DMRT3: variants seen among roughly 807,000 people sequenced by gnomAD.
DMRT3 encodes doublesex and mab-3 related transcription factor 3.
DMRT3 carries 29 observed loss-of-function variants against 34.9 expected under a neutral mutation model. That is an observed-to-expected ratio of 0.83 (90% CI 0.62 to 1.13). The LOEUF is 1.13. Among genes scored for constraint, DMRT3 ranks in the 50% most tolerant of loss-of-function variants. The pLI is 0.00. For missense variants in DMRT3, 772 were observed against 629.1 expected (o/e 1.23, Z -2.43); for synonymous variants, 350 against 286.0 (o/e 1.22, Z -2.26).
At chr9:986,201 C>G (rs544215896) in intron 1 of DMRT3, among the ~76,000 whole-genome samples, 1 of 152,290 alleles carries the variant, frequency 6.6e-6, no homozygotes, top group South Asian at 2.1e-4. Flanking sequence ...CTGGCACTGA[C>G]ATAAGATTCC....
At chr9:980,005 A>G (rs1820197611) in intron 1 of DMRT3, among the ~76,000 whole-genome samples, 1 of 152,136 alleles carries the variant, frequency 6.6e-6, no homozygotes, top group Non-Finnish European at 1.5e-5. Context: ...ATGTAGATCT[A>G]TTACTTTGTG....
chr9:977,567 C>G, intron 1 of DMRT3, 112 bp downstream of exon 1: 2 of 974,678 alleles, frequency 2.1e-6, no homozygotes, highest in Non-Finnish European at 2.5e-6. Context: ...GTGGGCCTGT[C>G]GGGGCTTTCC....
At chr9:987,100 T>G (rs1820295619) in intron 1 of DMRT3, among the ~76,000 whole-genome samples, 1 of 152,112 alleles carries the variant, frequency 6.6e-6, no homozygotes, top group South Asian at 2.1e-4. Flanking sequence ...AGGGGCACAA[T>G]TCAGTGGCAT....
rs1220854977 is a variant in DMRT3 at position 991,030 on chromosome 9, A to C, written c.*25A>C. 6.3e-7 allele frequency: 1 copy of C among 1,584,068 alleles called. No homozygotes were observed. Among genetic ancestry groups the C allele is most frequent in the Non-Finnish European group, 8.6e-7 (1 of 1,161,250 alleles). ...AAGTGGTGCTGGATGGGTGGTGGCCAGGTGACATTTTCTGTGCGTTTTGAC... is the reference window on the plus strand; with the variant it reads ...AAGTGGTGCTGGATGGGTGGTGGCCCGGTGACATTTTCTGTGCGTTTTGAC... On this transcript the variant is annotated 3_prime_UTR_variant, in exon 2 of 2. Coordinates refer to ENST00000190165, the MANE Select transcript of DMRT3 (RefSeq NM_021240.4).
Position 977,405 on chromosome 9 carries a change from G to A in DMRT3, c.404G>A (p.Trp135Ter), listed in dbSNP as rs767989863. 1.6e-6 allele frequency: 2 copies of A among 1,257,412 alleles called. No individual in the cohort carries two copies. Among genetic ancestry groups the A allele is most frequent in the Non-Finnish European group, 2.0e-6 (2 of 1,003,996 alleles). 77.9% of individuals were successfully genotyped at this position (1,257,412 alleles called of 1,614,324 possible). A position where few individuals can be genotyped will look rare whatever the true frequency, so the allele number is the denominator to read the frequency against. The change falls in exon 1 of 2, where the codon TGG (tryptophan) becomes TAG (stop). Residue 135 changes from tryptophan (W) to a stop codon, truncating the protein, a stop_gained. Coordinates refer to ENST00000190165, the MANE Select transcript of DMRT3 (RefSeq NM_021240.4). LOFTEE classifies it high-confidence loss of function. ...TTGGCCGCGGCCGCCGCGCTGCGTT[G>A]GACTGCCGAGCCGCAGCCCGGGGCT... ...AELAAAAALR[W>*]TAEPQPGALQ... is the part of the protein sequence containing the mutation.
chr9:978,002 C>T (rs1031668552), intron 1 of DMRT3, among the ~76,000 whole-genome samples: 3 of 152,214 alleles, frequency 2.0e-5, no homozygotes, highest in Non-Finnish European at 2.9e-5. Context: ...AAGTATCCAA[C>T]TCTCAGAACC....
chr9:981,247 C>G (rs375501066), intron 1 of DMRT3, among the ~76,000 whole-genome samples: 3 of 151,944 alleles, frequency 2.0e-5, no homozygotes, highest in Admixed American at 1.3e-4. Context: ...GACTGGGTCC[C>G]GCAAAGTCCA....
Position 990,260 on chromosome 9 carries a change from C to T in DMRT3, c.674C>T (p.Ala225Val), listed in dbSNP as rs752903154. Residue 225 changes from alanine to valine, a missense_variant, in exon 2 of 2, where the codon GCG becomes GTG. Coordinates refer to ENST00000190165, the MANE Select transcript of DMRT3 (RefSeq NM_021240.4). ...CGCCCTGACAGCCCCAAGTGTCACG[C>T]GGAGCAGAATCACCTCCTGATTGAG... ...ESRPDSPKCH[A>V]EQNHLLIEGP... 2.7e-5 allele frequency: 44 copies of T among 1,613,772 alleles called. No individual in the cohort carries two copies. The highest frequency in any genetic ancestry group is 1.6e-4 in the Middle Eastern group (1 of 6,084).
At chr9:982,012 C>T (rs1820226859) in intron 1 of DMRT3, among the ~76,000 whole-genome samples, 1 of 152,170 alleles carries the variant, frequency 6.6e-6, no homozygotes, top group Admixed American at 6.5e-5. Flanking sequence ...TTGACACCTT[C>T]TGCAAAAATC....
chr9:989,370 C>G (rs2130074338), intron 1 of DMRT3, among the ~76,000 whole-genome samples: 1 of 152,336 alleles, frequency 6.6e-6, no homozygotes, highest in Middle Eastern at 3.4e-3. Flanking sequence ...GTTTCGTTTG[C>G]TTTCTAGTAC....
chr9:982,330 G>A (rs375461627), intron 1 of DMRT3, among the ~76,000 whole-genome samples: 2 of 152,192 alleles, frequency 1.3e-5, no homozygotes, highest in Admixed American at 6.5e-5. Flanking sequence ...TGTGTTCCAC[G>A]TCTAGGAACC....
At chr9:986,113 A>G (rs1353825780) in intron 1 of DMRT3, among the ~76,000 whole-genome samples, 2 of 152,240 alleles carry the variant, frequency 1.3e-5, no homozygotes, top group African/African-American at 2.4e-5. Context: ...AGCATGTCCC[A>G]GTAGCAGGGG....
At chr9:984,838 C>T (rs558591012) in intron 1 of DMRT3, among the ~76,000 whole-genome samples, 12 of 152,022 alleles carry the variant, frequency 7.9e-5, no homozygotes, top group African/African-American at 2.9e-4. Context: ...TGAAATAATA[C>T]ATTTTTTTTT....
At chr9:982,746 G>A (rs556156044) in intron 1 of DMRT3, among the ~76,000 whole-genome samples, 1 of 152,332 alleles carries the variant, frequency 6.6e-6, no homozygotes, top group African/African-American at 2.4e-5. Context: ...ACTTCTTCCT[G>A]ACGGGAAGGA....
Position 991,078 on chromosome 9 carries a change from C to T in DMRT3, c.*73C>T, listed in dbSNP as rs1402986311. ...GACCCTGAGGCATCTGAGGAGAGGC[C>T]ACATCTTGTGTATGCCCTTTCCTTC... is the stretch of plus-strand genomic sequence containing the variant. On this transcript the variant is annotated 3_prime_UTR_variant, in exon 2 of 2. Coordinates refer to ENST00000190165, the MANE Select transcript of DMRT3 (RefSeq NM_021240.4). 4 of 1,531,274 alleles carry T rather than the reference C, an allele frequency of 2.6e-6. No individual in the cohort carries two copies. In the African/African-American group the frequency reaches 5.5e-5, roughly 21 times the overall value. The allele number at this position is 1,531,274 out of a possible 1,614,324, so 94.9% of individuals were successfully genotyped here. A position where few individuals can be genotyped will look rare whatever the true frequency, so the allele number is the denominator to read the frequency against.
At position 977,331 on chromosome 9, in the gene DMRT3, G is replaced by A. The variant is rs1243898452; in HGVS notation, c.330G>A (p.Pro110=). Residue 110 remains proline, a synonymous_variant, in exon 1 of 2, where the codon CCG becomes CCA. Coordinates refer to ENST00000190165, the MANE Select transcript of DMRT3 (RefSeq NM_021240.4). ...PGDAVAAPQP[P]PASQPSQPQP... ...ACGCCGTCGCCGCCCCGCAGCCGCC[G>A]CCAGCCTCTCAGCCGTCGCAGCCGC... is the stretch of plus-strand genomic sequence containing the variant. 7.7e-7 allele frequency: 1 copy of A among 1,298,566 alleles called. No homozygotes were observed. Among genetic ancestry groups the A allele is most frequent in the Non-Finnish European group, 9.8e-7 (1 of 1,024,892 alleles). The allele number at this position is 1,298,566 out of a possible 1,614,324, so 80.4% of individuals were successfully genotyped here. A position where few individuals can be genotyped will look rare whatever the true frequency, so the allele number is the denominator to read the frequency against.
Position 976,884 on chromosome 9 carries a change from G to A in DMRT3, c.-118G>A. On this transcript the variant is annotated 5_prime_UTR_variant, in exon 1 of 2. Coordinates refer to ENST00000190165, the MANE Select transcript of DMRT3 (RefSeq NM_021240.4). The surrounding 1 kb of genome is among the most constrained non-coding windows in gnomAD (Gnocchi z 4.5). The stretch of plus-strand genomic sequence containing the variant: ...GAGCACACACGACCACCGGGGCTGC[G>A]GGACCAAGGGCCGCGTCGCCCGGAG... 1 of 1,141,582 alleles carries A rather than the reference G, an allele frequency of 8.8e-7. No individual in the cohort carries two copies. Among genetic ancestry groups the A allele is most frequent in the East Asian group, 3.1e-5 (1 of 31,856 alleles). 70.7% of individuals were successfully genotyped at this position (1,141,582 alleles called of 1,614,324 possible).
intron 1 of DMRT3, among the ~76,000 whole-genome samples, chr9:989,380 C>G (rs1227353966): frequency 1.3e-5 from 2 of 152,230 alleles, no homozygotes; most frequent in Non-Finnish European, 2.9e-5. Context: ...CTTTCTAGTA[C>G]AAGTTATTGG....
At chr9:989,369 G>T (rs1820324336) in intron 1 of DMRT3, among the ~76,000 whole-genome samples, 1 of 152,170 alleles carries the variant, frequency 6.6e-6, no homozygotes, top group South Asian at 2.1e-4. Flanking sequence ...GGTTTCGTTT[G>T]CTTTCTAGTA....
Sources: allele counts gnomAD v4.1 joint callset (sites outside exome capture counted in the v4.1 genomes callset), GRCh38; gene constraint gnomAD v4.1.1; non-coding constraint Gnocchi (gnomAD v3.1); transcripts MANE v1.5; gene names NCBI Gene and HGNC (gene_info 2026-07-23, HGNC 2026-07-21).